The following TMCO5A variants were observed in gnomAD, a reference collection of about 807,000 sequenced individuals.
The protein encoded by TMCO5A is transmembrane and coiled-coil domain-containing protein 5A.
A neutral mutation model predicts 42.3 loss-of-function variants in TMCO5A; 34 were observed. The observed-to-expected ratio is 0.80, with a 90% CI of 0.61 to 1.07. The LOEUF is 1.07. TMCO5A is among the 50% of genes least tolerant of loss of function. The pLI is 0.00. For missense variants in TMCO5A, 357 were observed against 327.9 expected, an observed-to-expected ratio of 1.09 and a Z score of -0.69; for synonymous variants, 131 against 115.6, an observed-to-expected ratio of 1.13 and a Z score of -0.86.
chr15:38,000,133 T>C, the TMCO5A span, among the ~76,000 whole-genome samples: 1 of 152,214 alleles, frequency 6.6e-6, no homozygotes, highest in South Asian at 2.1e-4. Context: ...AATTCAGCAA[T>C]GATGCCATCA....
chr15:37,998,662 G>A, the TMCO5A span, among the ~76,000 whole-genome samples: 2 of 152,016 alleles, frequency 1.3e-5, no homozygotes, highest in Non-Finnish European at 2.9e-5. Flanking sequence ...TTTTGCCCAG[G>A]ATGGCTTTGA....
the TMCO5A span, among the ~76,000 whole-genome samples, chr15:38,000,730 G>A: frequency 6.6e-6 from 1 of 151,852 alleles, no homozygotes; most frequent in Non-Finnish European, 1.5e-5. Flanking sequence ...ATTTCAAGAA[G>A]ACTTTCAATT....
the TMCO5A span, among the ~76,000 whole-genome samples, chr15:38,014,122 C>T: frequency 6.6e-6 from 1 of 152,198 alleles, no homozygotes; most frequent in Non-Finnish European, 1.5e-5. Context: ...TCCCTCACCT[C>T]AAGATAGTTA....
At chr15:37,992,125 A>G in the TMCO5A span, among the ~76,000 whole-genome samples, 1 of 152,190 alleles carries the variant, frequency 6.6e-6, no homozygotes, top group Admixed American at 6.5e-5. Flanking sequence ...AATATCCAGC[A>G]TCTATGAAGA....
At chr15:37,946,547 G>A (rs534802845) in intron 10 of TMCO5A, among the ~76,000 whole-genome samples, 1 of 152,194 alleles carries the variant, frequency 6.6e-6, no homozygotes, top group East Asian at 1.9e-4. Context: ...TTCAGCGATG[G>A]TTTGTAGTTC....
the TMCO5A span, among the ~76,000 whole-genome samples, chr15:37,982,760 T>G: frequency 6.9e-6 from 1 of 145,296 alleles, no homozygotes; most frequent in Non-Finnish European, 1.5e-5. Flanking sequence ...ATATAATATA[T>G]AAATATATTG....
the TMCO5A span, among the ~76,000 whole-genome samples, chr15:38,029,104 GA>G: frequency 6.6e-6 from 1 of 152,126 alleles, no homozygotes; most frequent in Non-Finnish European, 1.5e-5. Flanking sequence ...AGATGAATCA[GA>G]CTAGCTTGGG....
chr15:38,033,330 A>T, the TMCO5A span, among the ~76,000 whole-genome samples: 1 of 152,174 alleles, frequency 6.6e-6, no homozygotes, highest in African/African-American at 2.4e-5. Flanking sequence ...AGCCTTTCTC[A>T]TTACATTTGT....
intron 6 of TMCO5A, among the ~76,000 whole-genome samples, chr15:37,939,779 A>C (rs975172576): frequency 1.3e-5 from 2 of 152,054 alleles, no homozygotes; most frequent in Admixed American, 6.6e-5. Flanking sequence ...CAGCAGCTTA[A>C]TGGGGTGCCT....
downstream of TMCO5A, among the ~76,000 whole-genome samples, chr15:37,969,978 G>A (rs1268883418): frequency 6.6e-6 from 1 of 152,146 alleles, no homozygotes; most frequent in Non-Finnish European, 1.5e-5. Flanking sequence ...GTGCTCTGAT[G>A]AGTATATGCA....
chr15:38,034,073 C>T, the TMCO5A span, among the ~76,000 whole-genome samples: 1 of 152,294 alleles, frequency 6.6e-6, no homozygotes, highest in South Asian at 2.1e-4. Context: ...AAGTTGCGTT[C>T]TGTTTCTGAG....
At chr15:38,015,537 A>G in the TMCO5A span, among the ~76,000 whole-genome samples, 6 of 152,030 alleles carry the variant, frequency 3.9e-5, no homozygotes, top group African/African-American at 1.4e-4. Flanking sequence ...AAATCTATAA[A>G]TCATATTCTT....
intron 11 of TMCO5A, among the ~76,000 whole-genome samples, chr15:37,949,903 C>T (rs1200506555): frequency 6.6e-6 from 1 of 152,084 alleles, no homozygotes; most frequent in African/African-American, 2.4e-5. Flanking sequence ...AAATTGCAGT[C>T]ATTAAAAGGT....
intron 11 of TMCO5A, among the ~76,000 whole-genome samples, chr15:37,963,494 T>C (rs958442558): frequency 2.6e-5 from 4 of 152,162 alleles, no homozygotes. Flanking sequence ...TTGGAGAAAG[T>C]TCCATGTGCT....
intron 10 of TMCO5A, among the ~76,000 whole-genome samples, chr15:37,945,581 A>G (rs1889917101): frequency 6.6e-6 from 1 of 152,054 alleles, no homozygotes; most frequent in Admixed American, 6.6e-5. Flanking sequence ...CTGGTGTCAG[A>G]TGGTTTTTCA....
chr15:37,948,569 A>C (rs1019655207), intron 11 of TMCO5A, among the ~76,000 whole-genome samples: 1 of 152,092 alleles, frequency 6.6e-6, no homozygotes, highest in Non-Finnish European at 1.5e-5. Flanking sequence ...TTGTTCTCTT[A>C]TACTCCAACA....
At chr15:37,977,507 C>T in the TMCO5A span, among the ~76,000 whole-genome samples, 1 of 152,048 alleles carries the variant, frequency 6.6e-6, no homozygotes, top group Non-Finnish European at 1.5e-5. Context: ...AGTTTGGGTT[C>T]TGATCCAGTA....
intron 11 of TMCO5A, among the ~76,000 whole-genome samples, chr15:37,965,581 G>A (rs1890536717): frequency 6.6e-6 from 1 of 152,070 alleles, no homozygotes; most frequent in South Asian, 2.1e-4. Flanking sequence ...CTAATAATCT[G>A]ATTTAGAATG....
the TMCO5A span, chr15:37,994,841 G>T: frequency 6.6e-6 from 1 of 152,478 alleles, no homozygotes; most frequent in Admixed American, 6.5e-5. Flanking sequence ...AGAGTGAGTG[G>T]TGGGTGGGGA....
Sources: gnomAD v4.1 joint callset for allele counts (sites outside exome capture counted in the v4.1 genomes callset) on GRCh38, gnomAD v4.1.1 for gene constraint, MANE v1.5 for transcripts, NCBI Gene and HGNC (gene_info 2026-07-23, HGNC 2026-07-21) for gene names.